Variants in DAB1 observed in about 807,000 individuals in gnomAD.
DAB1 encodes disabled homolog 1.
A neutral mutation model predicts 64.6 loss-of-function variants in DAB1; 15 were observed. The observed-to-expected ratio is 0.23, with a 90% CI of 0.16 to 0.36. The LOEUF (loss-of-function observed/expected upper bound fraction) is 0.36, where lower values mean the gene tolerates loss of function less well. Among genes scored for constraint, DAB1 ranks in the 10% least tolerant of loss-of-function variants. The pLI is 1.00. For missense variants in DAB1, 596 were observed against 706.7 expected, an observed-to-expected ratio of 0.84 and a Z score of 1.78; for synonymous variants, 235 against 251.9, an observed-to-expected ratio of 0.93 and a Z score of 0.64.
intron 6 of DAB1, among the ~76,000 whole-genome samples, chr1:57,664,632 T>C (rs1479779663): frequency 6.6e-6 from 1 of 152,140 alleles, no homozygotes; most frequent in Non-Finnish European, 1.5e-5. Flanking sequence ...AATTTAATAA[T>C]TATGGATGTG....
rs538224022 is a variant in DAB1, at chr1:57,358,223, T to C, written c.-137+65707A>G. The stretch of plus-strand genomic sequence containing the variant: ...GGTGAAAGTGGGCATTCTTGTCTTG[T>C]TCCAAATCTTGGGGAAACACTTTCA... On this transcript the variant is annotated intron_variant, in intron 1 of 14. Transcript: ENST00000371236. 4.1e-4 allele frequency among the ~76,000 whole-genome samples: 62 copies of C among 152,220 alleles called. 1 individual carries two copies. In the South Asian group the frequency reaches 0.013, roughly 31 times the overall value.
intron 1 of DAB1, among the ~76,000 whole-genome samples, chr1:57,332,696 T>C (rs1277699525): frequency 6.6e-6 from 1 of 152,154 alleles, no homozygotes; most frequent in Admixed American, 6.5e-5. Context: ...ATCTCTGAAA[T>C]GTACATGAGG....
At chr1:57,620,780 A>T (rs1019068503) in intron 7 of DAB1, among the ~76,000 whole-genome samples, 3 of 152,198 alleles carry the variant, frequency 2.0e-5, no homozygotes, top group African/African-American at 7.2e-5. Flanking sequence ...TAACAGCTGC[A>T]GTGTCACAGG....
chr1:57,882,719 C>T (rs1281604396), intron 1 of DAB1, among the ~76,000 whole-genome samples: 4 of 152,076 alleles, frequency 2.6e-5, no homozygotes, highest in African/African-American at 9.7e-5. Context: ...GAAACAGAGA[C>T]AAAACCATAG....
At chr1:57,560,890 T>A (rs1440295581) in intron 7 of DAB1, among the ~76,000 whole-genome samples, 1 of 152,192 alleles carries the variant, frequency 6.6e-6, no homozygotes, top group Non-Finnish European at 1.5e-5. Flanking sequence ...GGCCTGTTAC[T>A]GGGCTTTGGT....
intron 4 of DAB1, among the ~76,000 whole-genome samples, chr1:58,184,482 A>T (rs535333394): frequency 6.6e-6 from 1 of 152,220 alleles, no homozygotes; most frequent in East Asian, 1.9e-4. Context: ...ATTTTGAATG[A>T]TAATGATAAC....
At chr1:57,611,643 T>A (rs1645727932) in intron 7 of DAB1, among the ~76,000 whole-genome samples, 1 of 152,062 alleles carries the variant, frequency 6.6e-6, no homozygotes, top group Admixed American at 6.5e-5. Flanking sequence ...CCAAGCAAGT[T>A]AACCTTTCCT....
At chr1:57,246,380 A>C (rs1370239650) in intron 2 of DAB1, among the ~76,000 whole-genome samples, 1 of 152,238 alleles carries the variant, frequency 6.6e-6, no homozygotes, top group Admixed American at 6.5e-5. Context: ...AGAGGGTGCA[A>C]GCCCCAAGCC....
chr1:57,409,098 G>A (rs111254383), intron 1 of DAB1, among the ~76,000 whole-genome samples: 3,465 of 152,176 alleles, frequency 0.023, 124 homozygotes, highest in African/African-American at 0.079. Context: ...CTATGCTTCC[G>A]GCAGCCCAAC....
At chr1:57,533,014 TAC>T (rs1471377202) in intron 7 of DAB1, among the ~76,000 whole-genome samples, 2 of 152,144 alleles carry the variant, frequency 1.3e-5, no homozygotes, top group Non-Finnish European at 2.9e-5. Context: ...GCCAAAAATG[TAC>T]ACACAGTTCA....
chr1:58,527,225 A>C (rs1449090029), intron 2 of DAB1: 1 of 862,428 alleles, frequency 1.2e-6, no homozygotes, highest in African/African-American at 1.6e-5. Flanking sequence ...CAGCCTGGGA[A>C]GGGCATTATG....
chr1:57,495,533 G>A (rs912803852), intron 7 of DAB1, among the ~76,000 whole-genome samples: 3 of 152,198 alleles, frequency 2.0e-5, no homozygotes, highest in Non-Finnish European at 4.4e-5. Context: ...ATGGTGGTAT[G>A]AGCAGCTCTG....
intron 7 of DAB1, among the ~76,000 whole-genome samples, chr1:57,440,072 G>C (rs974610028): frequency 6.6e-6 from 1 of 151,982 alleles, no homozygotes; most frequent in Non-Finnish European, 1.5e-5. Flanking sequence ...TGCTCATACT[G>C]TTTCCTCCTC....
intron 7 of DAB1, among the ~76,000 whole-genome samples, chr1:57,439,417 G>GGTTTTTT (rs1328337487): frequency 3.4e-4 from 38 of 111,098 alleles, no homozygotes; most frequent in African/African-American, 4.3e-4. Context: ...TTGGTGATGA[G>GGTTTTTT]GTTTTTTCTT....
chr1:58,396,774 A>G (rs1383243168), intron 3 of DAB1, among the ~76,000 whole-genome samples: 1 of 152,162 alleles, frequency 6.6e-6, no homozygotes, highest in East Asian at 1.9e-4. Flanking sequence ...AAAGAAACAG[A>G]GAGGGAGTCC....
intron 1 of DAB1, chr1:58,530,702 A>G: frequency 1.1e-6 from 1 of 872,778 alleles, no homozygotes. Context: ...AGGAAATCCA[A>G]CAAATGAACC....
chr1:58,163,656 CT>C (rs1236358968), intron 4 of DAB1, among the ~76,000 whole-genome samples: 1 of 152,332 alleles, frequency 6.6e-6, no homozygotes, highest in East Asian at 1.9e-4. Flanking sequence ...AAGACCACAA[CT>C]TTTCTGCCAG....
At chr1:58,464,927 T>G (rs1411458668) in intron 3 of DAB1, among the ~76,000 whole-genome samples, 1 of 152,168 alleles carries the variant, frequency 6.6e-6, no homozygotes, top group Non-Finnish European at 1.5e-5. Flanking sequence ...GGAGAGGACC[T>G]TAGAAACATG....
Position 57,960,242 on chromosome 1 carries a change from C to T in DAB1, n.388-76080G>A, listed in dbSNP as rs988350506. On this transcript the variant is annotated intron_variant and non_coding_transcript_variant, in intron 5 of 20. Transcript: ENST00000485760. Reference sequence around the variant, plus strand: ...AGTCAGAAAGCCCTAGGTTTGAGTCCCAGCTCAGCCATGTTCTTACTGTGT... The same window carrying T: ...AGTCAGAAAGCCCTAGGTTTGAGTCTCAGCTCAGCCATGTTCTTACTGTGT... Among the ~76,000 whole-genome samples, 15 of 152,130 alleles carry T rather than the reference C, an allele frequency of 9.9e-5. 1 individual carries two copies. The highest frequency in any genetic ancestry group is 9.8e-4 in the Admixed American group (15 of 15,278).
Sources: allele counts gnomAD v4.1 joint callset (sites outside exome capture counted in the v4.1 genomes callset), GRCh38; gene constraint gnomAD v4.1.1; transcripts MANE v1.5; gene names NCBI Gene and HGNC (gene_info 2026-07-23, HGNC 2026-07-21).